The following MKLN1 variants were observed in gnomAD, a reference collection of about 807,000 sequenced individuals.
MKLN1 encodes muskelin 1, also known as muskelin.
Under a neutral mutation model 99.0 loss-of-function variants are expected in MKLN1, and 18 were observed. The observed-to-expected ratio is 0.18, with a 90% confidence interval of 0.13 to 0.27. MKLN1 has a LOEUF of 0.27. Among genes scored for constraint, MKLN1 ranks in the 10% least tolerant of loss-of-function variants. The pLI, the probability that MKLN1 is intolerant of heterozygous loss-of-function variation, is 1.00. For missense variants in MKLN1, 621 were observed against 875.9 expected, an observed-to-expected ratio of 0.71 and a Z score of 3.67; for synonymous variants, 288 against 293.2, an observed-to-expected ratio of 0.98 and a Z score of 0.18.
chr7:131,360,155 T>C (rs1484161190), intron 1 of MKLN1, among the ~76,000 whole-genome samples: 1 of 152,200 alleles, frequency 6.6e-6, no homozygotes, highest in Non-Finnish European at 1.5e-5. Flanking sequence ...GGTATGTCTT[T>C]TTCCATTTCT....
intron 3 of MKLN1, among the ~76,000 whole-genome samples, chr7:131,232,247 G>C (rs1432058323): frequency 6.6e-6 from 1 of 152,108 alleles, no homozygotes; most frequent in Non-Finnish European, 1.5e-5. Context: ...TACTCTAATA[G>C]CGAAGTGATT....
At chr7:131,217,699 A>G (rs1157351268) in intron 3 of MKLN1, among the ~76,000 whole-genome samples, 1 of 152,238 alleles carries the variant, frequency 6.6e-6, no homozygotes, top group Admixed American at 6.5e-5. Context: ...CTCTGTCTCA[A>G]AAAACAAAAC....
intron 2 of MKLN1, among the ~76,000 whole-genome samples, chr7:131,171,774 T>C (rs1429128150): frequency 6.6e-6 from 1 of 152,214 alleles, no homozygotes; most frequent in African/African-American, 2.4e-5. Context: ...AATATTTTTC[T>C]AATGAGGATA....
chr7:131,362,511 G>A (rs1436812667), intron 1 of MKLN1, among the ~76,000 whole-genome samples: 2 of 152,044 alleles, frequency 1.3e-5, no homozygotes, highest in African/African-American at 4.8e-5. Flanking sequence ...AATTTCCCTA[G>A]CATACCGTGT....
intron 2 of MKLN1, among the ~76,000 whole-genome samples, chr7:131,385,880 C>T (rs1793998133): frequency 6.6e-6 from 1 of 151,856 alleles, no homozygotes; most frequent in Non-Finnish European, 1.5e-5. Context: ...TGATGAAATC[C>T]AATTTATTTT....
At chr7:131,327,781 C>G, upstream of MKLN1, 9 of 1,438,038 alleles carry the variant, frequency 6.3e-6, no homozygotes, top group Non-Finnish European at 7.3e-6. Context: ...GGTAACGATG[C>G]GGGGCGGGGA....
At chr7:131,246,911 A>G (rs1446619163) in intron 3 of MKLN1, among the ~76,000 whole-genome samples, 3 of 152,100 alleles carry the variant, frequency 2.0e-5, no homozygotes, top group Non-Finnish European at 4.4e-5. Flanking sequence ...GTAGATGGAG[A>G]GGGTAAAGCT....
At chr7:131,255,827 C>T (rs777413998) in intron 3 of MKLN1, among the ~76,000 whole-genome samples, 9 of 151,806 alleles carry the variant, frequency 5.9e-5, no homozygotes, top group East Asian at 5.8e-4. Flanking sequence ...GTGAGCCACC[C>T]GCCTCAGCCT....
In MKLN1 at chr7:131,198,967, C is replaced by G. The variant is rs550323606; in HGVS notation, c.-296-3890C>G. ...GTTGATGGCCTAATTGTGAGAGACT[C>G]TAAAACTGACTTTTTTATATGTCTG... On this transcript the variant is annotated intron_variant, in intron 2 of 7. Coordinates refer to the MKLN1 transcript ENST00000416992. Among the ~76,000 whole-genome samples the G allele has an allele frequency of 1.4e-4, 21 of 152,182 alleles. No individual in the cohort carries two copies. The South Asian group carries it at 4.4e-3, about 32-fold the overall frequency.
At chr7:131,259,336 T>C (rs1194993738) in intron 3 of MKLN1, among the ~76,000 whole-genome samples, 2 of 152,130 alleles carry the variant, frequency 1.3e-5, no homozygotes, top group African/African-American at 4.8e-5. Context: ...TACTCAGAAA[T>C]GGAGACAGAA....
chr7:131,399,521 T>TA, intron 6 of MKLN1, 88 bp downstream of exon 6: 1 of 1,130,550 alleles, frequency 8.8e-7, no homozygotes, highest in Non-Finnish European at 1.3e-6. Context: ...TGCCAGTTAT[T>TA]ACTGTAATTT....
At chr7:131,191,337 G>T (rs568846497) in intron 2 of MKLN1, among the ~76,000 whole-genome samples, 2 of 152,304 alleles carry the variant, frequency 1.3e-5, no homozygotes, top group Non-Finnish European at 2.9e-5. Context: ...CCTTTCCAGA[G>T]AAACTCTTGC....
chr7:131,166,503 C>T (rs1376909426), intron 2 of MKLN1, among the ~76,000 whole-genome samples: 1 of 152,148 alleles, frequency 6.6e-6, no homozygotes, highest in African/African-American at 2.4e-5. Flanking sequence ...CCTCTGAGCT[C>T]ATCTCCTTCC....
intron 1 of MKLN1, among the ~76,000 whole-genome samples, chr7:131,134,302 C>T (rs574752088): frequency 6.6e-6 from 1 of 152,266 alleles, no homozygotes; most frequent in South Asian, 2.1e-4. Context: ...CATCTTTTCT[C>T]CTTTCCAGTC....
At chr7:131,340,951 T>G (rs1242202645) in intron 1 of MKLN1, among the ~76,000 whole-genome samples, 1 of 152,234 alleles carries the variant, frequency 6.6e-6, no homozygotes, top group African/African-American at 2.4e-5. Context: ...AGCTTTTTAT[T>G]TAAATCTTTG....
chr7:131,399,205 ATC>A (rs1426141329), intron 5 of MKLN1, 34 bp from the exon 6 acceptor site: 2 of 1,572,988 alleles, frequency 1.3e-6, no homozygotes, highest in Non-Finnish European at 1.7e-6. Flanking sequence ...ATCTAACCAA[ATC>A]TCTTCTTTCC....
upstream of MKLN1, among the ~76,000 whole-genome samples, chr7:131,326,265 G>C (rs889585682): frequency 6.6e-6 from 1 of 152,180 alleles, no homozygotes; most frequent in African/African-American, 2.4e-5. Flanking sequence ...AGTCACTACA[G>C]TTACAGCATT....
chr7:131,177,834 C>CATG (rs1201187403), intron 2 of MKLN1, among the ~76,000 whole-genome samples: 1 of 152,156 alleles, frequency 6.6e-6, no homozygotes, highest in East Asian at 1.9e-4. Flanking sequence ...GGCTTAAATA[C>CATG]ATGAAGCTGT....
chr7:131,417,140 A>G (rs532440284), intron 8 of MKLN1, among the ~76,000 whole-genome samples: 2 of 152,246 alleles, frequency 1.3e-5, no homozygotes, highest in East Asian at 3.9e-4. Flanking sequence ...TCTTTTTGAT[A>G]GCTTCTAAGG....
Sources: allele counts gnomAD v4.1 joint callset (sites outside exome capture counted in the v4.1 genomes callset), GRCh38; gene constraint gnomAD v4.1.1; transcripts MANE v1.5; gene names NCBI Gene and HGNC (gene_info 2026-07-23, HGNC 2026-07-21).